Variants in L3MBTL4 observed in about 807,000 individuals in gnomAD.
L3MBTL4 encodes lethal(3)malignant brain tumor-like protein 4.
In L3MBTL4, 70 loss-of-function variants were observed where a neutral mutation model predicts 84.5. That is an observed-to-expected ratio of 0.83 (90% CI 0.68 to 1.01). L3MBTL4 has a LOEUF of 1.01. Ranked by LOEUF, L3MBTL4 falls within the 50% of genes least tolerant of loss-of-function variation. The pLI, the probability that L3MBTL4 is intolerant of heterozygous loss-of-function variation, is 0.00. For missense variants in L3MBTL4, 715 were observed against 754.8 expected (o/e 0.95, Z 0.62); for synonymous variants, 274 against 259.8 (o/e 1.05, Z -0.52).
intron 16 of L3MBTL4, among the ~76,000 whole-genome samples, chr18:6,076,559 A>C (rs1356767662): frequency 6.6e-6 from 1 of 152,184 alleles, no homozygotes; most frequent in Non-Finnish European, 1.5e-5. Flanking sequence ...TACTTATAAC[A>C]GAAATAACCC....
chr18:6,349,852 A>G (rs2143737755), intron 1 of L3MBTL4, among the ~76,000 whole-genome samples: 1 of 152,304 alleles, frequency 6.6e-6, no homozygotes, highest in Middle Eastern at 3.4e-3. Context: ...GCAAGAAGGG[A>G]GAAGGCTTCT....
intron 10 of L3MBTL4, among the ~76,000 whole-genome samples, chr18:6,221,604 C>A (rs569081437): frequency 3.4e-4 from 52 of 152,260 alleles, no homozygotes; most frequent in African/African-American, 1.1e-3. Flanking sequence ...TTGTAGAAAT[C>A]AAAACTTCTA....
chr18:6,336,587 G>C (rs1220144726), intron 1 of L3MBTL4, among the ~76,000 whole-genome samples: 1 of 152,202 alleles, frequency 6.6e-6, no homozygotes, highest in Non-Finnish European at 1.5e-5. Context: ...GGGAATGCTT[G>C]AGGAATAAGG....
intron 12 of L3MBTL4, among the ~76,000 whole-genome samples, chr18:6,201,078 G>T (rs1002849811): frequency 6.6e-6 from 1 of 152,116 alleles, no homozygotes; most frequent in Non-Finnish European, 1.5e-5. Context: ...AAGAGTACTC[G>T]GGTAATCAAG....
At chr18:6,267,383 C>T (rs1052887188) in intron 4 of L3MBTL4, among the ~76,000 whole-genome samples, 4 of 152,184 alleles carry the variant, frequency 2.6e-5, no homozygotes, top group African/African-American at 9.7e-5. Flanking sequence ...CATCAAGGAG[C>T]TCACAGTCCA....
chr18:6,038,366 G>T (rs542370271), intron 16 of L3MBTL4, among the ~76,000 whole-genome samples: 1 of 148,290 alleles, frequency 6.7e-6, no homozygotes, highest in South Asian at 2.1e-4. Context: ...CCATTCTCCT[G>T]CCTCAGCCTC....
chr18:5,965,732 G>A (rs1367528301), intron 17 of L3MBTL4, among the ~76,000 whole-genome samples: 1 of 152,184 alleles, frequency 6.6e-6, no homozygotes, highest in African/African-American at 2.4e-5. Flanking sequence ...ACCTATGTTG[G>A]TACTGGGAAA....
At position 6,099,585 on chromosome 18, in the gene L3MBTL4, AATATATATAT is replaced by A. The variant is rs36091567; in HGVS notation, c.1200-6067_1200-6058del. On this transcript the variant is annotated intron_variant, in intron 14 of 18. Coordinates refer to ENST00000317931, the MANE Select transcript of L3MBTL4 (RefSeq NM_001330559.2). ...TATCTATAGATAGATAGATAATGTA[AATATATATAT>A]ATATATATATATGGAGAGAGAGAGA... Among the ~76,000 whole-genome samples the A allele has an allele frequency of 1.9e-4, 12 of 64,744 alleles. 3 individuals carry two copies. The East Asian group carries it at 2.9e-3, about 16-fold the overall frequency. The allele number at this position is 64,744 out of a possible 152,430, so 42.5% of individuals were successfully genotyped here.
intron 9 of L3MBTL4, among the ~76,000 whole-genome samples, chr18:6,239,005 C>T (rs1399190718): frequency 2.0e-5 from 3 of 151,834 alleles, no homozygotes; most frequent in Non-Finnish European, 2.9e-5. Flanking sequence ...CATAGGCTTT[C>T]GAAGAATTCA....
At chr18:6,296,156 A>G (rs2050101531) in intron 4 of L3MBTL4, among the ~76,000 whole-genome samples, 1 of 152,172 alleles carries the variant, frequency 6.6e-6, no homozygotes, top group Non-Finnish European at 1.5e-5. Context: ...TAGCTCCTCC[A>G]ACAAAAGACT....
In L3MBTL4 at chr18:6,099,883, G is replaced by A. The variant is rs573908277; in HGVS notation, c.1200-6355C>T. On this transcript the variant is annotated intron_variant, in intron 14 of 18. Coordinates refer to ENST00000317931, the MANE Select transcript of L3MBTL4 (RefSeq NM_001330559.2). Reference sequence around the variant, plus strand: ...CCTAACTATCTATCTATGACTCAATGAGTTCAAAGAGTTGGATGAAATGCA... The same window carrying A: ...CCTAACTATCTATCTATGACTCAATAAGTTCAAAGAGTTGGATGAAATGCA... 8.6e-5 allele frequency among the ~76,000 whole-genome samples: 13 copies of A among 151,992 alleles called. No homozygotes were observed. In the South Asian group the frequency reaches 2.7e-3, roughly 32 times the overall value.
At position 5,960,104 on chromosome 18, in the gene L3MBTL4, A is replaced by G. The variant is rs1250253762; in HGVS notation, c.1667T>C (p.Phe556Ser). 1 of 1,548,136 alleles carries G rather than the reference A, an allele frequency of 6.5e-7. No individual in the cohort carries two copies. Among genetic ancestry groups the G allele is most frequent in the Admixed American group, 1.8e-5 (1 of 56,290 alleles). Residue 556 changes from phenylalanine (F) to serine (S), a missense_variant, in exon 18 of 19, where the codon TTT (phenylalanine) becomes TCT (serine). Phe to Ser is a radical substitution (Grantham distance 155). Transcript: ENST00000317931. ...TTTTGCATCTCTTACCTCTTTCTTA[A>G]AGCACTTGGCATGCTCTTCACAGCC... Reference protein sequence around the residue: ...LLGCEEHAKCFKKEQIDGKAF... With the variant: ...LLGCEEHAKCSKKEQIDGKAF...
rs770980030 is a variant in L3MBTL4 at position 6,311,648 on chromosome 18, A to C, written c.-23T>G. 6.0e-5 allele frequency: 96 copies of C among 1,605,674 alleles called. 3 individuals carry two copies. The South Asian group carries it at 1.0e-3, about 17-fold the overall frequency. ...CATTGCCACCCCCGCACTCCTTGGC[A>C]GTGGTTTTCTGTAAAACAGGGTTAC... On this transcript the variant is annotated 5_prime_UTR_variant, in exon 3 of 19. Coordinates refer to ENST00000317931, the MANE Select transcript of L3MBTL4 (RefSeq NM_001330559.2).
chr18:5,992,153 C>T (rs550978623), intron 16 of L3MBTL4, among the ~76,000 whole-genome samples: 2 of 152,258 alleles, frequency 1.3e-5, no homozygotes, highest in East Asian at 1.9e-4. Context: ...CAACGAGGTA[C>T]GTGCGAGGAG....
intron 16 of L3MBTL4, among the ~76,000 whole-genome samples, chr18:6,013,793 C>A (rs1246438050): frequency 6.6e-6 from 1 of 152,224 alleles, no homozygotes; most frequent in African/African-American, 2.4e-5. Flanking sequence ...AAATCTGGCA[C>A]ATATTAGGCA....
chr18:6,040,968 C>G (rs1298153724), intron 16 of L3MBTL4, among the ~76,000 whole-genome samples: 1 of 152,118 alleles, frequency 6.6e-6, no homozygotes. Context: ...AAAAGTAAAA[C>G]AAGAACAACA....
At chr18:6,026,034 G>A (rs1357405260) in intron 16 of L3MBTL4, among the ~76,000 whole-genome samples, 2 of 152,210 alleles carry the variant, frequency 1.3e-5, no homozygotes, top group African/African-American at 4.8e-5. Flanking sequence ...CTTAAACTAC[G>A]TCAGCTGCAG....
chr18:6,307,521 T>C (rs376982324), intron 3 of L3MBTL4, among the ~76,000 whole-genome samples: 7 of 152,082 alleles, frequency 4.6e-5, no homozygotes, highest in East Asian at 3.9e-4. Flanking sequence ...AGAATAACAA[T>C]GCATTCAAGG....
At chr18:6,144,212 A>AAG (rs1568194920) in intron 13 of L3MBTL4, among the ~76,000 whole-genome samples, 1 of 150,108 alleles carries the variant, frequency 6.7e-6, no homozygotes, top group Admixed American at 6.7e-5. Flanking sequence ...AAAAAAAAAA[A>AAG]AAAAAAAAGA....
Sources: allele counts gnomAD v4.1 joint callset (sites outside exome capture counted in the v4.1 genomes callset), GRCh38; gene constraint gnomAD v4.1.1; transcripts MANE v1.5; gene names NCBI Gene and HGNC (gene_info 2026-07-23, HGNC 2026-07-21).